The following FER1L6 variants were observed in gnomAD, a reference collection of about 807,000 sequenced individuals.
FER1L6 encodes fer-1-like protein 6.
A neutral mutation model predicts 219.2 loss-of-function variants in FER1L6; 177 were observed. That is an observed-to-expected ratio of 0.81 (90% CI 0.71 to 0.91). The LOEUF is 0.91. FER1L6 is among the 40% of genes least tolerant of loss of function. The pLI is 0.00. For missense variants in FER1L6, 2,153 were observed against 2,259.9 expected, an observed-to-expected ratio of 0.95 and a Z score of 0.96; for synonymous variants, 768 against 824.3, an observed-to-expected ratio of 0.93 and a Z score of 1.17.
chr8:123,887,009 C>T (rs1288247074), intron 1 of FER1L6, among the ~76,000 whole-genome samples: 1 of 152,108 alleles, frequency 6.6e-6, no homozygotes, highest in Non-Finnish European at 1.5e-5. Context: ...AGATGCCAAG[C>T]CTCTCAAAAG....
At chr8:123,875,443 C>T (rs951352776) in intron 1 of FER1L6, among the ~76,000 whole-genome samples, 2 of 152,182 alleles carry the variant, frequency 1.3e-5, no homozygotes, top group African/African-American at 2.4e-5. Flanking sequence ...TTGAGGCATT[C>T]AGGGCTTAAG....
chr8:123,856,888 G>A (rs1436685510), intron 1 of FER1L6, among the ~76,000 whole-genome samples: 1 of 152,086 alleles, frequency 6.6e-6, no homozygotes, highest in Admixed American at 6.5e-5. Flanking sequence ...AAGCTGGGCG[G>A]GTCAGATGGA....
intron 36 of FER1L6, 45 bp downstream of exon 36, chr8:124,097,404 G>A: frequency 7.6e-7 from 1 of 1,319,240 alleles, no homozygotes; most frequent in Non-Finnish European, 1.1e-6. Flanking sequence ...GACCAGGGTA[G>A]CAGATGAAAG....
rs542258944 is a variant in FER1L6, at chr8:124,064,444, TC to T, written c.3429del (p.Thr1144GlnfsTer31). The T allele has an allele frequency of 4.4e-5, 71 of 1,613,916 alleles. 1 individual carries two copies. In the South Asian group the frequency reaches 7.5e-4, roughly 17 times the overall value. ...DHIYVDVEPPPTVVPDSAQAQ... is the reference protein window; with the variant it reads ...DHIYVDVEPPXTVVPDSAQAQ... Reference sequence around the variant, plus strand: ...ACATTTATGTGGATGTTGAGCCACCTCCCACAGTGGTGCCCGACTCTGCCCA... The same window carrying T: ...ACATTTATGTGGATGTTGAGCCACCTCCACAGTGGTGCCCGACTCTGCCCA... On this transcript the variant is annotated frameshift_variant, in exon 26 of 41. Coordinates refer to ENST00000522917, the MANE Select transcript of FER1L6 (RefSeq NM_001039112.2). LOFTEE classifies it high-confidence loss of function.
chr8:123,920,419 C>G (rs1481021403), intron 1 of FER1L6, among the ~76,000 whole-genome samples: 1 of 152,180 alleles, frequency 6.6e-6, no homozygotes, highest in Non-Finnish European at 1.5e-5. Flanking sequence ...ATGAGAAATA[C>G]AGTATTCTGA....
At chr8:124,025,034 T>A (rs1326234157) in intron 18 of FER1L6, among the ~76,000 whole-genome samples, 1 of 151,388 alleles carries the variant, frequency 6.6e-6, no homozygotes, top group African/African-American at 2.5e-5. Flanking sequence ...ATGTCTTTTA[T>A]GCAGTTTTTA....
chr8:124,069,942 G>C (rs1463533933), intron 29 of FER1L6, among the ~76,000 whole-genome samples: 2 of 152,122 alleles, frequency 1.3e-5, no homozygotes, highest in Admixed American at 1.3e-4. Flanking sequence ...ACTTGGGTAA[G>C]CAATTTATAT....
intron 11 of FER1L6, chr8:123,985,086 T>C (rs1471299613): frequency 1.3e-5 from 2 of 152,216 alleles, no homozygotes; most frequent in African/African-American, 4.8e-5. Flanking sequence ...ACTCCTGTCT[T>C]ATGACTTGTT....
In FER1L6 at chr8:124,119,896, G is replaced by GTTGATCTGTCCCCTTA; in HGVS notation, c.*106_*107insTTGATCTGTCCCCTTA. 8.5e-7 allele frequency: 1 copy of GTTGATCTGTCCCCTTA among 1,171,108 alleles called. No homozygotes were observed. Among genetic ancestry groups the GTTGATCTGTCCCCTTA allele is most frequent in the Non-Finnish European group, 1.2e-6 (1 of 842,482 alleles). The allele number at this position is 1,171,108 out of a possible 1,614,324, so 72.5% of individuals were successfully genotyped here. A position where few individuals can be genotyped will look rare whatever the true frequency, so the allele number is the denominator to read the frequency against. On this transcript the variant is annotated 3_prime_UTR_variant, in exon 41 of 41. Transcript: ENST00000522917. ...CATGGCACTGTGCTGAGTGCTAAGG[G>GTTGATCTGTCCCCTTA]GACAGATCAACCCTTCTTGGAAGAG...
chr8:123,938,287 A>G (rs1035611264), intron 1 of FER1L6, among the ~76,000 whole-genome samples: 1 of 152,164 alleles, frequency 6.6e-6, no homozygotes, highest in Non-Finnish European at 1.5e-5. Context: ...AGCTTCACAC[A>G]TTTTGAGCTT....
intron 31 of FER1L6, 51 bp downstream of exon 31, chr8:124,071,682 C>A: frequency 1.3e-6 from 2 of 1,568,510 alleles, no homozygotes; most frequent in South Asian, 1.2e-5. Flanking sequence ...GCTCAGGCTG[C>A]CATAACAAAA....
At position 124,060,654 on chromosome 8, in the gene FER1L6, T is replaced by G; in HGVS notation, c.3092T>G (p.Ile1031Ser). 1 of 1,614,084 alleles carries G rather than the reference T, an allele frequency of 6.2e-7. No homozygotes were observed. The highest frequency in any genetic ancestry group is 1.1e-5 in the South Asian group (1 of 91,072). Reference protein sequence around the residue: ...CGGQGVKSCVIQSYKNNPNFS... With the variant: ...CGGQGVKSCVSQSYKNNPNFS... Reference sequence around the variant, plus strand: ...GGACAAGGTGTGAAGTCCTGCGTGATCCAGAGCTACAAGAACAACCCGAAC... The same window carrying G: ...GGACAAGGTGTGAAGTCCTGCGTGAGCCAGAGCTACAAGAACAACCCGAAC... Residue 1031 changes from isoleucine to serine, a missense_variant, in exon 24 of 41, where the codon ATC becomes AGC. By Grantham distance (142) the Ile-to-Ser change is moderately radical. Coordinates refer to ENST00000522917, the MANE Select transcript of FER1L6 (RefSeq NM_001039112.2).
chr8:124,094,810 G>A (rs1168721102), intron 34 of FER1L6, 86 bp from the exon 35 acceptor site: 2 of 1,426,230 alleles, frequency 1.4e-6, no homozygotes, highest in Non-Finnish European at 2.0e-6. Context: ...AAATAAGCCT[G>A]TAAGTGTTTA....
chr8:123,987,954 C>T (rs954775252), intron 12 of FER1L6, among the ~76,000 whole-genome samples: 3 of 152,022 alleles, frequency 2.0e-5, no homozygotes, highest in South Asian at 2.1e-4. Flanking sequence ...AAAAATTAGC[C>T]GGGCATGGTG....
chr8:123,881,878 C>T (rs1033362989), intron 1 of FER1L6, among the ~76,000 whole-genome samples: 1 of 152,178 alleles, frequency 6.6e-6, no homozygotes, highest in Non-Finnish European at 1.5e-5. Context: ...TGAGCATATT[C>T]ATGGAGCTCA....
chr8:124,062,103 G>C (rs931985737), intron 25 of FER1L6, 71 bp downstream of exon 25: 3 of 1,541,040 alleles, frequency 1.9e-6, no homozygotes, highest in Non-Finnish European at 2.7e-6. Flanking sequence ...CCTGCTGTGG[G>C]ATTGGCTCAA....
chr8:124,025,024 A>G (rs570820467), intron 18 of FER1L6, among the ~76,000 whole-genome samples: 2 of 151,586 alleles, frequency 1.3e-5, no homozygotes, highest in Admixed American at 6.6e-5. Context: ...GTGTCTATTC[A>G]TGTCTTTTAT....
chr8:123,931,030 G>A (rs941763277), intron 1 of FER1L6, among the ~76,000 whole-genome samples: 1 of 152,104 alleles, frequency 6.6e-6, no homozygotes, highest in African/African-American at 2.4e-5. Context: ...TAATGACTTT[G>A]GAAACATCCT....
chr8:123,950,761 G>A (rs1346522745), intron 1 of FER1L6, among the ~76,000 whole-genome samples: 1 of 152,180 alleles, frequency 6.6e-6, no homozygotes, highest in African/African-American at 2.4e-5. Context: ...ATGAGATAAA[G>A]GTTTCCAAAA....
Sources: gnomAD v4.1 joint callset for allele counts (sites outside exome capture counted in the v4.1 genomes callset) on GRCh38, gnomAD v4.1.1 for gene constraint, MANE v1.5 for transcripts, NCBI Gene and HGNC (gene_info 2026-07-23, HGNC 2026-07-21) for gene names.